Variants in RCOR3 observed in about 807,000 individuals in gnomAD.
RCOR3 encodes REST corepressor 3.
RCOR3 carries 13 observed loss-of-function variants against 64.1 expected under a neutral mutation model. The observed-to-expected ratio is 0.20, with a 90% CI of 0.13 to 0.32. The LOEUF is 0.32. Ranked by LOEUF, RCOR3 falls within the 10% of genes least tolerant of loss-of-function variation. The pLI, the probability that RCOR3 is intolerant of heterozygous loss-of-function variation, is 1.00. For synonymous variants in RCOR3, 215 were observed against 239.0 expected (o/e 0.90, Z 0.93); for missense variants, 489 against 701.2 (o/e 0.70, Z 3.42).
chr1:211,284,030 T>A (rs1698186727), intron 7 of RCOR3, among the ~76,000 whole-genome samples: 1 of 150,700 alleles, frequency 6.6e-6, no homozygotes, highest in Non-Finnish European at 1.5e-5. Context: ...AAATTTATTA[T>A]TTATTTATTT....
chr1:211,281,283 G>C (rs930044061), intron 7 of RCOR3, among the ~76,000 whole-genome samples: 2 of 151,912 alleles, frequency 1.3e-5, no homozygotes, highest in African/African-American at 4.8e-5. Flanking sequence ...AATTTTAGTG[G>C]CATCTTTTTC....
intron 7 of RCOR3, among the ~76,000 whole-genome samples, chr1:211,288,689 T>C (rs958787443): frequency 6.6e-5 from 10 of 151,612 alleles, no homozygotes; most frequent in African/African-American, 2.4e-4. Flanking sequence ...GAGGCGTAGT[T>C]TTCTTTCAGC....
At chr1:211,301,736 C>T (rs1700402666) in intron 9 of RCOR3, 1 of 152,144 alleles carries the variant, frequency 6.6e-6, no homozygotes, top group South Asian at 2.1e-4. Context: ...CCCCTGTATA[C>T]TCTGTACTTT....
intron 9 of RCOR3, among the ~76,000 whole-genome samples, chr1:211,297,106 T>C (rs1016634748): frequency 2.6e-5 from 4 of 152,116 alleles, no homozygotes; most frequent in Middle Eastern, 3.2e-3. Flanking sequence ...AATTAACATT[T>C]TTCTCTCACA....
chr1:211,306,827 A>G (rs2102654291), intron 10 of RCOR3, among the ~76,000 whole-genome samples: 1 of 152,308 alleles, frequency 6.6e-6, no homozygotes, highest in Non-Finnish European at 1.5e-5. Flanking sequence ...ATGTCTGTTT[A>G]CACTTTTGTA....
chr1:211,282,106 G>A (rs1401423441), intron 7 of RCOR3, among the ~76,000 whole-genome samples: 1 of 152,032 alleles, frequency 6.6e-6, no homozygotes, highest in East Asian at 1.9e-4. Flanking sequence ...ATATAGTTTT[G>A]CCCAACTATG....
chr1:211,304,437 C>A (rs1292105034), intron 10 of RCOR3, among the ~76,000 whole-genome samples: 1 of 152,204 alleles, frequency 6.6e-6, no homozygotes. Context: ...GGTATTCCTG[C>A]AGTTGGGTTC....
intron 8 of RCOR3, among the ~76,000 whole-genome samples, chr1:211,292,437 T>C (rs1385494888): frequency 6.6e-6 from 1 of 152,190 alleles, no homozygotes; most frequent in Non-Finnish European, 1.5e-5. Flanking sequence ...GTGTACTCAG[T>C]CACCTGTATT....
rs561165357 is a variant in RCOR3, at chr1:211,295,616, G to C, written c.940-60G>C. 2.2e-6 allele frequency: 3 copies of C among 1,338,414 alleles called. No homozygotes were observed. The South Asian group carries it at 3.5e-5, about 16-fold the overall frequency. 82.9% of individuals were successfully genotyped at this position (1,338,414 alleles called of 1,614,324 possible). A position where few individuals can be genotyped will look rare whatever the true frequency, so the allele number is the denominator to read the frequency against. On this transcript the variant is annotated intron_variant, in intron 8 of 11. Coordinates refer to ENST00000419091, the MANE Select transcript of RCOR3 (RefSeq NM_001136223.3). ...GAATATATTCTTTTCACTTAATTGA[G>C]TACTCACAAATTTACCTAAGTACGC...
intron 8 of RCOR3, chr1:211,291,468 A>G: frequency 2.3e-6 from 1 of 432,652 alleles, no homozygotes; most frequent in South Asian, 1.7e-5. Flanking sequence ...GGTTCCAAGC[A>G]TTTTGGATAA....
At chr1:211,270,644 TA>T (rs1322433561) in intron 2 of RCOR3, among the ~76,000 whole-genome samples, 1 of 152,192 alleles carries the variant, frequency 6.6e-6, no homozygotes, top group African/African-American at 2.4e-5. Context: ...AAATCAGATT[TA>T]TTACCTTCTG....
intron 2 of RCOR3, among the ~76,000 whole-genome samples, chr1:211,260,695 G>A (rs953891553): frequency 4.6e-5 from 7 of 152,040 alleles, no homozygotes; most frequent in Non-Finnish European, 8.8e-5. Flanking sequence ...AGGTGGTGTA[G>A]CTTTGGTCGC....
At chr1:211,310,922 C>T (rs1436119532) in intron 10 of RCOR3, among the ~76,000 whole-genome samples, 4 of 152,054 alleles carry the variant, frequency 2.6e-5, no homozygotes, top group Admixed American at 6.6e-5. Context: ...GTAAATTAAG[C>T]GTCCCTTATG....
rs754199232 is a variant in RCOR3 at position 211,312,855 on chromosome 1, C to A, written c.1211C>A (p.Ala404Glu). ...GAGGAGGTATTGCAGGAGTGGGAAG[C>A]AGAACAAGGAACCCAGGCTTCTAAT... ...NLEEVLQEWEAEQGTQASNGD... is the reference protein window; with the variant it reads ...NLEEVLQEWEEEQGTQASNGD... Residue 404 changes from alanine to glutamate, a missense_variant, in exon 11 of 12, where the codon GCA (alanine) becomes GAA (glutamate). Physicochemically the swap from Ala to Glu is moderately radical, Grantham distance 107. This residue lies in a region of RCOR3 where 402 missense variants were observed against 617.0 expected (regional missense o/e 0.65). Transcript: ENST00000419091. This position sits in a 1 kb window ranked among gnomAD's most constrained non-coding sequence, Gnocchi z 5.0. 4 of 1,614,020 alleles carry A rather than the reference C, an allele frequency of 2.5e-6. No homozygotes were observed. In the South Asian group the frequency reaches 4.4e-5, roughly 18 times the overall value.
chr1:211,287,648 G>A (rs1337051046), intron 7 of RCOR3, among the ~76,000 whole-genome samples: 3 of 152,108 alleles, frequency 2.0e-5, no homozygotes, highest in Non-Finnish European at 4.4e-5. Context: ...TTAGGTAGCC[G>A]AGGCAGTGGA....
chr1:211,273,790 A>G lies in RCOR3; in HGVS notation c.302-420A>G, dbSNP rs565609811. 3.3e-5 allele frequency among the ~76,000 whole-genome samples: 5 copies of G among 152,302 alleles called. No individual in the cohort carries two copies. In the East Asian group the frequency reaches 9.6e-4, roughly 29 times the overall value. On this transcript the variant is annotated intron_variant, in intron 3 of 11. Transcript: ENST00000419091. ...AACTATCCTTTATACATCAATCAAA[A>G]ATGGAATGGTAAAGGCTTTGGATCA...
intron 3 of RCOR3, 49 bp downstream of exon 3, chr1:211,271,358 A>G (rs1286116346): frequency 1.4e-6 from 2 of 1,432,438 alleles, no homozygotes; most frequent in Non-Finnish European, 2.0e-6. Context: ...TTTATCAGCC[A>G]ATTCAAAATA....
chr1:211,301,571 C>T (rs1402681540), intron 9 of RCOR3: 3 of 152,182 alleles, frequency 2.0e-5, no homozygotes, highest in East Asian at 1.9e-4. Flanking sequence ...TCACTTCTTA[C>T]TGACACAAAT....
intron 2 of RCOR3, among the ~76,000 whole-genome samples, chr1:211,262,033 CTT>C (rs1196587722): frequency 4.6e-5 from 3 of 65,506 alleles, no homozygotes; most frequent in African/African-American, 6.2e-5. Flanking sequence ...GCTATAAAAA[CTT>C]TTTTTTTTTT....
Sources: allele counts gnomAD v4.1 joint callset (sites outside exome capture counted in the v4.1 genomes callset), GRCh38; gene constraint gnomAD v4.1.1; regional missense constraint gnomAD v4.1.1; non-coding constraint Gnocchi (gnomAD v3.1); transcripts MANE v1.5; gene names NCBI Gene and HGNC (gene_info 2026-07-23, HGNC 2026-07-21).